TMEM39B: variants seen among roughly 807,000 people sequenced by gnomAD.
TMEM39B encodes the protein transmembrane protein 39B.
TMEM39B carries 23 observed loss-of-function variants against 52.2 expected under a neutral mutation model. The ratio of observed to expected loss-of-function variants is 0.44; its 90% CI spans 0.32 to 0.62. The LOEUF is 0.62. Ranked by LOEUF, TMEM39B falls within the 20% of genes least tolerant of loss-of-function variation. TMEM39B has a pLI of 0.06. For synonymous variants in TMEM39B, 285 were observed against 264.0 expected, an observed-to-expected ratio of 1.08 and a Z score of -0.77; for missense variants, 547 against 642.0, an observed-to-expected ratio of 0.85 and a Z score of 1.60.
chr1:32,078,099 G>C (rs146974599), intron 5 of TMEM39B, among the ~76,000 whole-genome samples: 13 of 152,188 alleles, frequency 8.5e-5, no homozygotes, highest in African/African-American at 3.1e-4. Flanking sequence ...TTCAGAGCTG[G>C]CACCTCCCCC....
intron 7 of TMEM39B, among the ~76,000 whole-genome samples, chr1:32,098,460 C>T (rs1404450274): frequency 6.6e-6 from 1 of 152,120 alleles, no homozygotes; most frequent in Non-Finnish European, 1.5e-5. Flanking sequence ...GGGCCAGGTG[C>T]AGTGGCTCAC....
intron 5 of TMEM39B, 21 bp downstream of exon 5, chr1:32,077,339 C>G (rs748430931): frequency 1.2e-6 from 2 of 1,613,740 alleles, no homozygotes; most frequent in Non-Finnish European, 1.7e-6. Flanking sequence ...CTCACTTCAC[C>G]CCTCACTGCC....
chr1:32,077,934 C>T (rs371065898), intron 5 of TMEM39B, among the ~76,000 whole-genome samples: 3 of 152,312 alleles, frequency 2.0e-5, no homozygotes, highest in African/African-American at 4.8e-5. Flanking sequence ...GCCCATTTCT[C>T]GCCTTGCATC....
At chr1:32,078,783 G>A (rs1157590762) in intron 5 of TMEM39B, among the ~76,000 whole-genome samples, 3 of 152,092 alleles carry the variant, frequency 2.0e-5, no homozygotes, top group African/African-American at 7.2e-5. Context: ...TGGGATTACA[G>A]GTGCCCACCA....
At chr1:32,087,714 A>G (rs1464883334) in intron 5 of TMEM39B, 3 of 142,056 alleles carry the variant, frequency 2.1e-5, no homozygotes. Flanking sequence ...CAGTGGCACA[A>G]TCTCTGCTCA....
chr1:32,077,139 C>A, intron 4 of TMEM39B, 25 bp from the exon 5 acceptor site: 2 of 1,613,118 alleles, frequency 1.2e-6, no homozygotes, highest in Non-Finnish European at 1.7e-6. Flanking sequence ...AAGGCCCCAT[C>A]CCGTCCTATC....
At chr1:32,090,268 C>G (rs1178018106) in intron 5 of TMEM39B, among the ~76,000 whole-genome samples, 1 of 152,108 alleles carries the variant, frequency 6.6e-6, no homozygotes, top group Admixed American at 6.6e-5. Context: ...CAGCCACACA[C>G]ATAATTAGCT....
At chr1:32,083,208 C>T (rs1192204786) in intron 5 of TMEM39B, among the ~76,000 whole-genome samples, 8 of 150,842 alleles carry the variant, frequency 5.3e-5, no homozygotes, top group African/African-American at 1.2e-4. Context: ...CCTCAGCTCC[C>T]GAGTAGCTGG....
At chr1:32,098,228 T>C (rs1006734488) in intron 7 of TMEM39B, among the ~76,000 whole-genome samples, 12 of 151,552 alleles carry the variant, frequency 7.9e-5, no homozygotes, top group African/African-American at 2.9e-4. Flanking sequence ...CTCGAACTCC[T>C]GACCTCAGGT....
At position 32,102,533 on chromosome 1, in the gene TMEM39B, C is replaced by T. The variant is rs1200465986; in HGVS notation, c.1339C>T (p.His447Tyr). Residue 447 changes from histidine (H) to tyrosine (Y), a missense_variant, in exon 9 of 9, where the codon CAC becomes TAC. His to Tyr is a moderately conservative substitution (Grantham distance 83). Coordinates refer to ENST00000336294, the MANE Select transcript of TMEM39B (RefSeq NM_018056.4). ...CTCCCTAATGTCCTCTGAAAAGTGG[C>T]ACCAGACCATCTCGCTGGCCCTCAT... Reference protein sequence around the residue: ...LYSLMSSEKWHQTISLALILF... With the variant: ...LYSLMSSEKWYQTISLALILF... The T allele has an allele frequency of 3.7e-6, 6 of 1,614,044 alleles. No homozygotes were observed. The highest frequency in any genetic ancestry group is 5.1e-6 in the Non-Finnish European group (6 of 1,180,038).
At position 32,102,729 on chromosome 1, in the gene TMEM39B, AG is replaced by A; in HGVS notation, c.*60del. ...GGCTTCAGCCAAGGGCTCCCTGGCA[AG>A]GGGCTGTTGGGTAGAAGTGGTGGTG... On this transcript the variant is annotated 3_prime_UTR_variant, in exon 9 of 9. Coordinates refer to ENST00000336294, the MANE Select transcript of TMEM39B (RefSeq NM_018056.4). 1 of 1,427,244 alleles carries A rather than the reference AG, an allele frequency of 7.0e-7. No homozygotes were observed. The highest frequency in any genetic ancestry group is 9.2e-7 in the Non-Finnish European group (1 of 1,083,746). 88.4% of individuals were successfully genotyped at this position (1,427,244 alleles called of 1,614,324 possible). A position where few individuals can be genotyped will look rare whatever the true frequency, so the allele number is the denominator to read the frequency against.
chr1:32,099,194 C>G (rs1640925044), intron 7 of TMEM39B, among the ~76,000 whole-genome samples: 1 of 151,064 alleles, frequency 6.6e-6, no homozygotes, highest in Non-Finnish European at 1.5e-5. Flanking sequence ...CCGAGCGCCA[C>G]TGCACTCCAG....
chr1:32,092,531 G>T (rs1213636627), intron 6 of TMEM39B, among the ~76,000 whole-genome samples: 2 of 151,506 alleles, frequency 1.3e-5, no homozygotes, highest in Non-Finnish European at 2.9e-5. Context: ...CATTCTGTTG[G>T]CCAGGCTAGA....
chr1:32,081,601 A>G (rs1640103246), intron 5 of TMEM39B, among the ~76,000 whole-genome samples: 1 of 152,080 alleles, frequency 6.6e-6, no homozygotes, highest in Admixed American at 6.5e-5. Flanking sequence ...TACAAAAATT[A>G]GCCAGGTGTG....
chr1:32,089,248 C>T (rs1172379278), intron 5 of TMEM39B, among the ~76,000 whole-genome samples: 1 of 150,734 alleles, frequency 6.6e-6, no homozygotes, highest in African/African-American at 2.4e-5. Context: ...AGGTGATCTT[C>T]CCACCTCCAC....
At chr1:32,076,474 G>C (rs1639865178) in intron 3 of TMEM39B, 1 of 517,326 alleles carries the variant, frequency 1.9e-6, no homozygotes, top group Admixed American at 2.7e-5. Flanking sequence ...TGCTTCAAGG[G>C]GAGGAAAGAC....
chr1:32,077,843 T>G (rs1639931373), intron 5 of TMEM39B, among the ~76,000 whole-genome samples: 2 of 152,206 alleles, frequency 1.3e-5, no homozygotes, highest in Admixed American at 1.3e-4. Context: ...CCTTTGTGCC[T>G]GTTTTTGCTC....
intron 5 of TMEM39B, among the ~76,000 whole-genome samples, chr1:32,085,411 A>G (rs1398436764): frequency 6.6e-6 from 1 of 151,820 alleles, no homozygotes; most frequent in African/African-American, 2.4e-5. Context: ...TAAGGCCTCT[A>G]TGTTTGCTGA....
intron 7 of TMEM39B, among the ~76,000 whole-genome samples, chr1:32,097,380 G>T (rs59530293): frequency 0.083 from 12,610 of 151,438 alleles, 734 homozygotes; most frequent in South Asian, 0.25. Flanking sequence ...ACCCAGGCTG[G>T]AGTGCAGTGG....
Sources: gnomAD v4.1 joint callset for allele counts (sites outside exome capture counted in the v4.1 genomes callset) on GRCh38, gnomAD v4.1.1 for gene constraint, MANE v1.5 for transcripts, NCBI Gene and HGNC (gene_info 2026-07-23, HGNC 2026-07-21) for gene names.